TDP1: variants seen among roughly 807,000 people sequenced by gnomAD.
TDP1 encodes the protein tyr-DNA phosphodiesterase 1.
Under a neutral mutation model 81.5 loss-of-function variants are expected in TDP1, and 64 were observed. That is an observed-to-expected ratio of 0.79 (90% confidence interval 0.64 to 0.97). The LOEUF (loss-of-function observed/expected upper bound fraction) is 0.97, where lower values mean the gene tolerates loss of function less well. TDP1 is among the 50% of genes least tolerant of loss of function. The probability of loss-of-function intolerance (pLI) is 0.00; values close to 1 mark genes in which losing one functional copy is unlikely to be tolerated. For missense variants in TDP1, 723 were observed against 743.8 expected (o/e 0.97, Z 0.33); for synonymous variants, 256 against 264.3 (o/e 0.97, Z 0.30).
intron 14 of TDP1, chr14:90,018,901 A>C: frequency 1.1e-6 from 1 of 934,984 alleles, no homozygotes; most frequent in Non-Finnish European, 1.3e-6. Context: ...AAAACTGAAA[A>C]AGGAAATATG....
At chr14:90,028,594 T>A (rs1203364184) in intron 15 of TDP1, among the ~76,000 whole-genome samples, 1 of 152,214 alleles carries the variant, frequency 6.6e-6, no homozygotes, top group Non-Finnish European at 1.5e-5. Context: ...TTCCTCTGTT[T>A]TGTAAAATGC....
chr14:90,015,492 A>C (rs1254269701), intron 14 of TDP1, among the ~76,000 whole-genome samples: 1 of 152,244 alleles, frequency 6.6e-6, no homozygotes, highest in Non-Finnish European at 1.5e-5. Context: ...CCAAATGAGC[A>C]ACATATCATT....
intron 2 of TDP1, among the ~76,000 whole-genome samples, chr14:89,959,688 C>G (rs1427718663): frequency 2.0e-5 from 3 of 152,058 alleles, no homozygotes; most frequent in African/African-American, 4.8e-5. Flanking sequence ...ATTTTTTATC[C>G]TCTTGTCCTA....
chr14:90,020,559 C>CTCCCTCCCT (rs1566915828), intron 15 of TDP1, among the ~76,000 whole-genome samples: 2 of 15,820 alleles, frequency 1.3e-4, no homozygotes, highest in African/African-American at 6.4e-4. Context: ...CCTTCCTTCC[C>CTCCCTCCCT]TCCCTCCCTC....
At chr14:90,038,092 ATCTG>A (rs1371099744) in intron 16 of TDP1, among the ~76,000 whole-genome samples, 2 of 152,182 alleles carry the variant, frequency 1.3e-5, no homozygotes, top group East Asian at 3.8e-4. Context: ...CATCCTATCG[ATCTG>A]TCTGATTACT....
intron 15 of TDP1, chr14:90,023,032 G>A: frequency 1.3e-6 from 1 of 762,922 alleles, no homozygotes; most frequent in East Asian, 2.4e-5. Context: ...TGTCTTCCAG[G>A]CCCCTGCGAA....
intron 14 of TDP1, among the ~76,000 whole-genome samples, chr14:90,017,288 C>G (rs1422983964): frequency 2.0e-5 from 3 of 151,518 alleles, no homozygotes; most frequent in Admixed American, 6.6e-5. Context: ...CCCCATCTTC[C>G]TGGCTGCCCC....
intron 16 of TDP1, among the ~76,000 whole-genome samples, chr14:90,039,643 T>C (rs2140349396): frequency 6.6e-6 from 1 of 151,948 alleles, no homozygotes; most frequent in East Asian, 1.9e-4. Context: ...TAAACAGGAT[T>C]TTGTACGTCA....
intron 14 of TDP1, among the ~76,000 whole-genome samples, chr14:89,998,372 T>TTATATATATATATATATATATATA (rs58264054): frequency 1.9e-5 from 1 of 53,142 alleles, no homozygotes; most frequent in Non-Finnish European, 3.6e-5. Context: ...TCCAAGCACA[T>TTATATATATATATATATATATATA]TATATATATA....
chr14:89,963,030 GA>G, intron 2 of TDP1, 77 bp from the exon 3 acceptor site: 1 of 1,607,526 alleles, frequency 6.2e-7, no homozygotes, highest in Non-Finnish European at 8.5e-7. Flanking sequence ...ATCTGACAGG[GA>G]AGTTGAGAGC....
At position 89,984,703 on chromosome 14, in the gene TDP1, T is replaced by C; in HGVS notation, c.1052+20T>C. On this transcript the variant is annotated intron_variant, in intron 9 of 16. Transcript: ENST00000335725. ...AACAAAGTATGTGTCAGCTTATCAA[T>C]TTGGGGTGCTTATGATAGGCTTATA... The C allele has an allele frequency of 1.7e-5, 27 of 1,612,538 alleles. No homozygotes were observed. Among genetic ancestry groups the C allele is most frequent in the Non-Finnish European group, 2.3e-5 (27 of 1,179,988 alleles).
Position 89,963,347 on chromosome 14 carries a change from A to G in TDP1, c.233A>G (p.Lys78Arg). The G allele has an allele frequency of 1.9e-6, 3 of 1,614,216 alleles. No homozygotes were observed. The highest frequency in any genetic ancestry group is 2.5e-6 in the Non-Finnish European group (3 of 1,180,038). ...TDSVLPPKRQ[K>R]SGSQEDLGWC... ...TCAGTTTTACCTCCCAAAAGGCAGA[A>G]AAGCGGTTCCCAGGAGGACCTCGGC... The change falls in exon 3 of 17, where the codon AAA (lysine) becomes AGA (arginine). Residue 78 changes from lysine (K) to arginine (R), a missense_variant. Coordinates refer to ENST00000335725, the MANE Select transcript of TDP1 (RefSeq NM_018319.4).
rs532082792 is a variant in TDP1, at chr14:89,969,185, C to G, written c.659+1763C>G. ...AGACAATATATTGCTGTTGTCTAAG[C>G]CTCCCAGTTTGTGGTGCTTTGTTTT... On this transcript the variant is annotated intron_variant, in intron 5 of 16. Coordinates refer to ENST00000335725, the MANE Select transcript of TDP1 (RefSeq NM_018319.4). 2.0e-5 allele frequency among the ~76,000 whole-genome samples: 3 copies of G among 152,258 alleles called. No individual in the cohort carries two copies. The East Asian group carries it at 5.8e-4, about 29-fold the overall frequency.
intron 8 of TDP1, chr14:89,981,489 A>G (rs1894969745): frequency 2.2e-6 from 1 of 454,466 alleles, no homozygotes; most frequent in South Asian, 1.6e-5. Context: ...TGCCTGTGCT[A>G]GAGAAGAGCT....
intron 2 of TDP1, among the ~76,000 whole-genome samples, chr14:89,957,946 C>T (rs57595364): frequency 0.044 from 6,679 of 152,256 alleles, 499 homozygotes; most frequent in African/African-American, 0.15. Context: ...CTTTCATCCC[C>T]GCCCAGATCC....
At chr14:90,018,564 G>A (rs955821826) in intron 14 of TDP1, among the ~76,000 whole-genome samples, 2 of 152,142 alleles carry the variant, frequency 1.3e-5, no homozygotes, top group Non-Finnish European at 2.9e-5. Flanking sequence ...AGGCTCAAGC[G>A]ATCCTCCCAC....
intron 14 of TDP1, among the ~76,000 whole-genome samples, chr14:90,004,358 A>G (rs879714556): frequency 2.6e-5 from 4 of 152,194 alleles, no homozygotes; most frequent in Non-Finnish European, 4.4e-5. Context: ...CCCACCAGGG[A>G]CTGGCCTCCA....
chr14:90,029,408 A>G (rs1251526518), intron 15 of TDP1, among the ~76,000 whole-genome samples: 1 of 151,640 alleles, frequency 6.6e-6, no homozygotes, highest in Non-Finnish European at 1.5e-5. Flanking sequence ...CGTGTTGGCC[A>G]GGCTGGTCTC....
intron 15 of TDP1, 101 bp from the exon 16 acceptor site, chr14:90,033,005 T>C: frequency 8.6e-7 from 1 of 1,168,544 alleles, no homozygotes; most frequent in South Asian, 1.4e-5. Context: ...GAATTTTATT[T>C]AGGTACCATA....
Sources: gnomAD v4.1 joint callset for allele counts (sites outside exome capture counted in the v4.1 genomes callset) on GRCh38, gnomAD v4.1.1 for gene constraint, MANE v1.5 for transcripts, NCBI Gene and HGNC (gene_info 2026-07-23, HGNC 2026-07-21) for gene names.